Variants in DMGDH observed in about 807,000 individuals in gnomAD.
DMGDH encodes the protein dimethylglycine dehydrogenase.
In DMGDH, 76 loss-of-function variants were observed where a neutral mutation model predicts 95.2. The observed-to-expected ratio is 0.80, with a 90% CI of 0.66 to 0.97. The LOEUF is 0.97. Ranked by LOEUF, DMGDH falls within the 50% of genes least tolerant of loss-of-function variation. The pLI is 0.00. For missense variants in DMGDH, 987 were observed against 1,055.0 expected, an observed-to-expected ratio of 0.94 and a Z score of 0.89; for synonymous variants, 345 against 377.6, an observed-to-expected ratio of 0.91 and a Z score of 1.00.
Position 78,998,253 on chromosome 5 carries a change from C to G in DMGDH, c.2430G>C (p.Gln810His). The change falls in exon 16 of 16, where the codon CAG becomes CAC. Residue 810 changes from glutamine to histidine, a missense_variant. Physicochemically the swap from Gln to His is conservative, Grantham distance 24 (BLOSUM62 0). Coordinates refer to ENST00000255189, the MANE Select transcript of DMGDH (RefSeq NM_013391.3). ...TTSGSYSYSI[Q>H]KSLAFAYVPV... Reference sequence around the variant, plus strand: ...GGACATATGCGAAAGCCAGACTCTTCTGGATGCTGTAGCTATAGCTTCCAG... The same window carrying G: ...GGACATATGCGAAAGCCAGACTCTTGTGGATGCTGTAGCTATAGCTTCCAG... The G allele has an allele frequency of 2.5e-6, 4 of 1,614,170 alleles. No individual in the cohort carries two copies. Among genetic ancestry groups the G allele is most frequent in the Non-Finnish European group, 3.4e-6 (4 of 1,180,016 alleles).
intron 5 of DMGDH, among the ~76,000 whole-genome samples, chr5:79,046,408 G>A (rs1178365671): frequency 6.6e-6 from 1 of 151,826 alleles, no homozygotes; most frequent in Non-Finnish European, 1.5e-5. Context: ...TTTGAGACAT[G>A]GTCTCACTCT....
intron 7 of DMGDH, 95 bp from the exon 8 acceptor site, chr5:79,033,503 G>A (rs1754252310): frequency 1.4e-6 from 2 of 1,426,080 alleles, no homozygotes; most frequent in South Asian, 2.3e-5. Context: ...AAGTTGGACT[G>A]TTCTGTGCTA....
intron 6 of DMGDH, among the ~76,000 whole-genome samples, chr5:79,043,992 G>A (rs1237917085): frequency 6.6e-6 from 1 of 152,168 alleles, no homozygotes; most frequent in Non-Finnish European, 1.5e-5. Flanking sequence ...AGCTGGCAGT[G>A]GATTGAGGAA....
intron 12 of DMGDH, among the ~76,000 whole-genome samples, chr5:79,026,905 G>A (rs1276357838): frequency 6.6e-6 from 1 of 152,156 alleles, no homozygotes; most frequent in Non-Finnish European, 1.5e-5. Context: ...ACTGTTTTCT[G>A]GGACAATGAC....
At chr5:79,057,667 C>T (rs949813432) in intron 2 of DMGDH, among the ~76,000 whole-genome samples, 1 of 152,174 alleles carries the variant, frequency 6.6e-6, no homozygotes, top group Non-Finnish European at 1.5e-5. Context: ...GCTGCTTTAA[C>T]ATGTTGGTAT....
At chr5:79,021,720 TG>T in intron 14 of DMGDH, 1 of 1,290,146 alleles carries the variant, frequency 7.8e-7, no homozygotes, top group Non-Finnish European at 1.0e-6. Context: ...CAAAAACATG[TG>T]GGGGAAGTGT....
Position 79,051,309 on chromosome 5 carries a change from T to G in DMGDH, c.723A>C (p.Ala241=). 3.1e-6 allele frequency: 5 copies of G among 1,614,230 alleles called. No homozygotes were observed. Among genetic ancestry groups the G allele is most frequent in the Non-Finnish European group, 4.2e-6 (5 of 1,180,042 alleles). The change falls in exon 5 of 16, where the codon GCA becomes GCC. Residue 241 remains alanine (A), a synonymous_variant. Coordinates refer to ENST00000255189, the MANE Select transcript of DMGDH (RefSeq NM_013391.3). The part of the protein sequence containing the change: ...DVETPQGSMR[A]NRIVNAAGFW... Reference sequence around the variant, plus strand: ...TACCTGCAGCATTCACAATTCTATTTGCTCTCATAGACCCCTGTGGTGTTT... The same window carrying G: ...TACCTGCAGCATTCACAATTCTATTGGCTCTCATAGACCCCTGTGGTGTTT...
rs1754013058 is a variant in DMGDH at position 79,026,687 on chromosome 5, C to T, written c.2033-106G>A. On this transcript the variant is annotated intron_variant, in intron 12 of 15. Transcript: ENST00000255189. ...AGCAGGAGAAATTCCACTTATGCAA[C>T]ACAGACATTGTCAGTCTCTAAAAAG... 2.0e-6 allele frequency: 3 copies of T among 1,495,362 alleles called. No homozygotes were observed. The Admixed American group carries it at 5.6e-5, about 28-fold the overall frequency. 92.6% of individuals were successfully genotyped at this position (1,495,362 alleles called of 1,614,324 possible).
intron 5 of DMGDH, among the ~76,000 whole-genome samples, chr5:79,050,469 A>G (rs946696146): frequency 1.3e-5 from 2 of 152,072 alleles, no homozygotes; most frequent in African/African-American, 4.8e-5. Context: ...TTTAGGTTTT[A>G]AAGGAAACAT....
intron 14 of DMGDH, among the ~76,000 whole-genome samples, chr5:79,009,893 G>A (rs955819259): frequency 2.0e-5 from 3 of 152,120 alleles, no homozygotes; most frequent in Non-Finnish European, 2.9e-5. Context: ...GGTTAATGCT[G>A]TAATTAAAAT....
In DMGDH at chr5:79,032,722, G is replaced by C. The variant is rs949520858; in HGVS notation, c.1482C>G (p.His494Gln). ...MGFHAGWEQP[H>Q]WFYKPGQDTQ... ...TGTCCTGGCCTGGTTTGTAGAACCA[G>C]TGCGGCTGCTCCCAGCCAGCATGGA... The change falls in exon 9 of 16, where the codon CAC becomes CAG. Residue 494 changes from histidine to glutamine, a missense_variant. Physicochemically the swap from His to Gln is conservative, Grantham distance 24. Transcript: ENST00000255189. 6.2e-7 allele frequency: 1 copy of C among 1,614,088 alleles called. No homozygotes were observed. The highest frequency in any genetic ancestry group is 1.3e-5 in the African/African-American group (1 of 74,936).
chr5:79,000,674 G>A (rs1170225112), intron 15 of DMGDH: 1 of 611,228 alleles, frequency 1.6e-6, no homozygotes, highest in Non-Finnish European at 3.2e-6. Context: ...TCTGTCATCT[G>A]AGGTTTTTGT....
chr5:78,999,086 G>A (rs922219564), intron 15 of DMGDH, among the ~76,000 whole-genome samples: 11 of 152,276 alleles, frequency 7.2e-5, no homozygotes, highest in African/African-American at 1.4e-4. Context: ...AAGTCCTACC[G>A]TCTGGCACAG....
At chr5:79,019,929 T>C (rs1045447584) in intron 14 of DMGDH, among the ~76,000 whole-genome samples, 3 of 152,136 alleles carry the variant, frequency 2.0e-5, no homozygotes, top group African/African-American at 7.2e-5. Flanking sequence ...GATAGATAGA[T>C]AGTTGGGCTC....
At chr5:79,033,141 C>T (rs192792568) in intron 8 of DMGDH, 98 bp downstream of exon 8, 13 of 1,484,874 alleles carry the variant, frequency 8.8e-6, no homozygotes, top group African/African-American at 4.1e-5. Flanking sequence ...CCCTAACTAC[C>T]GCCATCCCAG....
chr5:79,041,161 T>C (rs1318777333), intron 7 of DMGDH, among the ~76,000 whole-genome samples: 3 of 152,228 alleles, frequency 2.0e-5, no homozygotes, highest in Non-Finnish European at 2.9e-5. Context: ...CTCCCATCTC[T>C]CAGTCTTCAC....
intron 7 of DMGDH, among the ~76,000 whole-genome samples, chr5:79,037,366 A>T (rs1431306563): frequency 2.0e-5 from 3 of 152,214 alleles, no homozygotes; most frequent in African/African-American, 7.2e-5. Context: ...TCACCCAGGT[A>T]TGGGAACCAC....
At chr5:79,042,567 A>T in intron 6 of DMGDH, 86 bp from the exon 7 acceptor site, 1 of 1,312,224 alleles carries the variant, frequency 7.6e-7, no homozygotes, top group East Asian at 2.3e-5. Flanking sequence ...CATGGCCTAC[A>T]TTTAAAGATG....
At chr5:79,004,554 C>A (rs887078890) in intron 15 of DMGDH, among the ~76,000 whole-genome samples, 1 of 152,156 alleles carries the variant, frequency 6.6e-6, no homozygotes, top group Non-Finnish European at 1.5e-5. Flanking sequence ...CATATGCCTG[C>A]TAACACCAGG....
Sources: allele counts gnomAD v4.1 joint callset (sites outside exome capture counted in the v4.1 genomes callset), GRCh38; gene constraint gnomAD v4.1.1; transcripts MANE v1.5; gene names NCBI Gene and HGNC (gene_info 2026-07-23, HGNC 2026-07-21).